CD4: variants seen among roughly 807,000 people sequenced by gnomAD.
CD4 encodes the protein T-cell surface glycoprotein CD4.
Under a neutral mutation model 50.5 loss-of-function variants are expected in CD4, and 25 were observed. The ratio of observed to expected loss-of-function variants is 0.49; its 90% confidence interval spans 0.36 to 0.69. The LOEUF (loss-of-function observed/expected upper bound fraction) is 0.69. Ranked by LOEUF, CD4 falls within the 30% of genes least tolerant of loss-of-function variation. The pLI is 0.00. For missense variants in CD4, 456 were observed against 548.5 expected (o/e 0.83, Z 1.68); for synonymous variants, 207 against 221.9 (o/e 0.93, Z 0.60).
At chr12:6,793,672 C>T (rs1565488055) in intron 1 of CD4, among the ~76,000 whole-genome samples, 6 of 93,328 alleles carry the variant, frequency 6.4e-5, no homozygotes, top group African/African-American at 2.7e-4. Context: ...ATCTATCTAT[C>T]TATCTATCTA....
chr12:6,799,085 C>T (rs1194045279), intron 1 of CD4: 1 of 152,224 alleles, frequency 6.6e-6, no homozygotes, highest in East Asian at 1.9e-4. Context: ...GTGTGTATCT[C>T]AGAGCATCCA....
chr12:6,798,891 C>A (rs1374064921), intron 1 of CD4: 1 of 152,244 alleles, frequency 6.6e-6, no homozygotes, highest in Non-Finnish European at 1.5e-5. Flanking sequence ...AAATCCTCTG[C>A]TGGCTCTCTA....
chr12:6,792,390 G>C lies in CD4; in HGVS notation c.-68+2728G>C, dbSNP rs1942187323. 1.3e-5 allele frequency among the ~76,000 whole-genome samples: 2 copies of C among 152,108 alleles called. No homozygotes were observed. ...CTCAGTCTCTCTTTGCCTCACTTTGGATCTATGCTCTGTGCATCTGTCTTG... is the reference window on the plus strand; with the variant it reads ...CTCAGTCTCTCTTTGCCTCACTTTGCATCTATGCTCTGTGCATCTGTCTTG... On this transcript the variant is annotated intron_variant, in intron 1 of 9. Coordinates refer to ENST00000011653, the MANE Select transcript of CD4 (RefSeq NM_000616.5). The surrounding 1 kb of genome is among the most constrained non-coding windows in gnomAD (Gnocchi z 4.1).
intron 1 of CD4, among the ~76,000 whole-genome samples, chr12:6,796,990 C>T (rs2137846597): frequency 6.6e-6 from 1 of 152,342 alleles, no homozygotes. Context: ...CACCTCTCCC[C>T]TTTCCTCTCC....
In CD4 at chr12:6,819,389, G is replaced by A. The variant is rs1943210523; in HGVS notation, c.*60G>A. Reference sequence around the variant, plus strand: ...CCCAGGTGTCTGCCCCGCGTTTCCTGCCTGCGGACCAGATGAATGTAGCAG... The same window carrying A: ...CCCAGGTGTCTGCCCCGCGTTTCCTACCTGCGGACCAGATGAATGTAGCAG... On this transcript the variant is annotated 3_prime_UTR_variant, in exon 10 of 10. Transcript: ENST00000011653. The A allele has an allele frequency of 1.3e-6, 2 of 1,514,982 alleles. No individual in the cohort carries two copies. The highest frequency in any genetic ancestry group is 1.8e-6 in the Non-Finnish European group (2 of 1,089,800). 93.8% of individuals were successfully genotyped at this position (1,514,982 alleles called of 1,614,324 possible). A position where few individuals can be genotyped will look rare whatever the true frequency, so the allele number is the denominator to read the frequency against.
intron 3 of CD4, among the ~76,000 whole-genome samples, chr12:6,807,806 C>T (rs1162262664): frequency 6.6e-6 from 1 of 152,058 alleles, no homozygotes; most frequent in African/African-American, 2.4e-5. Flanking sequence ...TAATGCTAGG[C>T]GTGGTGGCTC....
chr12:6,809,510 G>A (rs140366025), intron 3 of CD4, among the ~76,000 whole-genome samples: 8 of 151,658 alleles, frequency 5.3e-5, no homozygotes, highest in Middle Eastern at 3.4e-3. Context: ...AAAAAAAAAT[G>A]TTCTAGTTTC....
intron 7 of CD4, among the ~76,000 whole-genome samples, chr12:6,817,893 G>A (rs782350939): frequency 8.1e-5 from 12 of 147,688 alleles, no homozygotes; most frequent in South Asian, 2.2e-4. Context: ...ACACATTCAC[G>A]CACATACTCT....
In CD4 at chr12:6,794,775, GTTTTTTTTTTGTTT is replaced by G. The variant is rs1162177309; in HGVS notation, c.-68+5124_-68+5137del. Among the ~76,000 whole-genome samples, 348 of 112,552 alleles carry G rather than the reference GTTTTTTTTTTGTTT, an allele frequency of 3.1e-3. 15 individuals are homozygous for G. The highest frequency in any genetic ancestry group is 0.011 in the African/African-American group (337 of 31,436). 73.8% of individuals were successfully genotyped at this position (112,552 alleles called of 152,430 possible). A position where few individuals can be genotyped will look rare whatever the true frequency, so the allele number is the denominator to read the frequency against. ...ATCTAATCTATCTGTCTGTATGTCT[GTTTTTTTTTTGTTT>G]TTTTTTTTTTTTTGAGATAGAGTCT... On this transcript the variant is annotated intron_variant, in intron 1 of 9. Transcript: ENST00000011653.
At chr12:6,814,114 T>C (rs1014417722) in intron 3 of CD4, 28 bp from the exon 4 acceptor site, 17 of 1,600,452 alleles carry the variant, frequency 1.1e-5, no homozygotes, top group Non-Finnish European at 1.4e-5. Context: ...GGCGCCTCAG[T>C]CCCCCCCCAT....
Position 6,793,697 on chromosome 12 carries a change from TATCTATC to T in CD4, c.-68+4036_-68+4042del, listed in dbSNP as rs1215136091. On this transcript the variant is annotated intron_variant, in intron 1 of 9. Coordinates refer to ENST00000011653, the MANE Select transcript of CD4 (RefSeq NM_000616.5). ...CTATCTATCTATCTATCTATCTATC[TATCTATC>T]TTTTTTTTTTTTGAGACAAAATCTC... Among the ~76,000 whole-genome samples the T allele has an allele frequency of 7.6e-3, 435 of 57,048 alleles. 6 individuals carry two copies. The highest frequency in any genetic ancestry group is 0.021 in the African/African-American group (312 of 15,034). The allele number at this position is 57,048 out of a possible 152,430, so 37.4% of individuals were successfully genotyped here.
chr12:6,803,601 G>A (rs12423480), intron 3 of CD4, among the ~76,000 whole-genome samples: 96,778 of 148,552 alleles, frequency 0.65, 31,605 homozygotes, highest in East Asian at 0.8. Context: ...TGGCTAACAC[G>A]GTGAAACCCC....
chr12:6,803,522 C>T (rs1430606759), intron 3 of CD4, among the ~76,000 whole-genome samples: 7 of 151,694 alleles, frequency 4.6e-5, no homozygotes, highest in African/African-American at 9.6e-5. Context: ...TGGTGGCTCA[C>T]GCCTGTAATC....
intron 1 of CD4, among the ~76,000 whole-genome samples, chr12:6,795,090 A>ATGTC (rs1298155351): frequency 1.7e-5 from 2 of 118,510 alleles, no homozygotes; most frequent in African/African-American, 3.2e-5. Context: ...CTGTCCCTAA[A>ATGTC]TGTCTGTCTC....
At chr12:6,794,706 C>A (rs1942310330) in intron 1 of CD4, among the ~76,000 whole-genome samples, 1 of 150,384 alleles carries the variant, frequency 6.6e-6, no homozygotes, top group Admixed American at 6.7e-5. Flanking sequence ...ACTGTCTAAT[C>A]TAATTCATCT....
rs199903550 is a variant in CD4, at chr12:6,818,391, G to A, written c.1157-30G>A. On this transcript the variant is annotated intron_variant, in intron 7 of 9. Transcript: ENST00000011653. The surrounding 1 kb of genome is among the most constrained non-coding windows in gnomAD (Gnocchi z 5.0). ...GTCCCCTGGCCCGTGGAGGAGGGCG[G>A]TGCATTGAGCACATTTCTCTCCCTT... 4 of 1,610,348 alleles carry A rather than the reference G, an allele frequency of 2.5e-6. 1 individual carries two copies.
At chr12:6,802,096 ACTC>A (rs1268075007) in intron 3 of CD4, among the ~76,000 whole-genome samples, 1 of 144,098 alleles carries the variant, frequency 6.9e-6, no homozygotes, top group Non-Finnish European at 1.5e-5. Flanking sequence ...CTGGTCTTGA[ACTC>A]CTGACCTCAA....
rs1371536807 is a variant in CD4 at position 6,818,096 on chromosome 12, A to G, written c.1157-325A>G. 9.1e-5 allele frequency among the ~76,000 whole-genome samples: 4 copies of G among 44,126 alleles called. No homozygotes were observed. The highest frequency in any genetic ancestry group is 2.4e-4 in the Non-Finnish European group (4 of 16,910). The allele number at this position is 44,126 out of a possible 152,430, so 28.9% of individuals were successfully genotyped here. On this transcript the variant is annotated intron_variant, in intron 7 of 9. Transcript: ENST00000011653. The surrounding 1 kb of genome is among the most constrained non-coding windows in gnomAD (Gnocchi z 5.0). Reference sequence around the variant, plus strand: ...TTCACACATGGACTCACACGCGCACACGCGCGCACACACACACATTCACAC... The same window carrying G: ...TTCACACATGGACTCACACGCGCACGCGCGCGCACACACACACATTCACAC...
chr12:6,815,717 G>A, intron 5 of CD4: 1 of 1,334,860 alleles, frequency 7.5e-7, no homozygotes, highest in African/African-American at 1.5e-5. Flanking sequence ...AGTGTTCGCT[G>A]TTATTTTGTG....
Sources: gnomAD v4.1 joint callset for allele counts (sites outside exome capture counted in the v4.1 genomes callset) on GRCh38, gnomAD v4.1.1 for gene constraint, Gnocchi (gnomAD v3.1) non-coding constraint, MANE v1.5 for transcripts, NCBI Gene and HGNC (gene_info 2026-07-23, HGNC 2026-07-21) for gene names.